The following FMN1 variants were observed in gnomAD, a reference collection of about 807,000 sequenced individuals.
The protein encoded by FMN1 is formin 1.
In FMN1, 110 loss-of-function variants were observed where a neutral mutation model predicts 132.4. The observed-to-expected ratio is 0.83, with a 90% CI of 0.71 to 0.97. The LOEUF is 0.97. Among genes scored for constraint, FMN1 ranks in the 50% least tolerant of loss-of-function variants. The pLI is 0.00. For missense variants in FMN1, 1,792 were observed against 1,705.3 expected (o/e 1.05, Z -0.90); for synonymous variants, 722 against 651.7 (o/e 1.11, Z -1.64).
At chr15:32,822,378 C>T (rs1015843266) in intron 17 of FMN1, among the ~76,000 whole-genome samples, 2 of 151,440 alleles carry the variant, frequency 1.3e-5, no homozygotes, top group Non-Finnish European at 3.0e-5. Context: ...AAAAGATGAT[C>T]TACGATTAGT....
chr15:33,097,305 A>G, intron 4 of FMN1, among the ~76,000 whole-genome samples: 1 of 136,198 alleles, frequency 7.3e-6, no homozygotes. Context: ...CCCTGTCTTA[A>G]AAAAAAAAAA....
rs145608791 is a variant in FMN1, at chr15:32,882,103, G to T, written c.3835+6069C>A. On this transcript the variant is annotated intron_variant, in intron 16 of 20. Transcript: ENST00000616417. The stretch of plus-strand genomic sequence containing the variant: ...CAATAGGCAGACTGGTTGAGTGGTT[G>T]TATGTAGAGACAAGAGAAAGCCTGA... Among the ~76,000 whole-genome samples, 577 of 152,306 alleles carry T rather than the reference G, an allele frequency of 3.8e-3. 3 individuals carry two copies. The highest frequency in any genetic ancestry group is 6.3e-3 in the Non-Finnish European group (426 of 68,018).
intron 6 of FMN1, among the ~76,000 whole-genome samples, chr15:33,010,299 G>A (rs948575595): frequency 6.6e-6 from 1 of 152,078 alleles, no homozygotes; most frequent in Non-Finnish European, 1.5e-5. Context: ...GTTGCCAGAG[G>A]TTAGAGATGG....
intron 4 of FMN1, among the ~76,000 whole-genome samples, chr15:33,120,990 A>C (rs915611199): frequency 1.3e-5 from 2 of 151,984 alleles, no homozygotes; most frequent in South Asian, 4.1e-4. Flanking sequence ...TTGCTTCTTG[A>C]TAGAGGTTTT....
At chr15:32,887,615 G>C (rs1057486781) in intron 16 of FMN1, among the ~76,000 whole-genome samples, 1 of 152,182 alleles carries the variant, frequency 6.6e-6, no homozygotes, top group Non-Finnish European at 1.5e-5. Flanking sequence ...ATGTGTGTAT[G>C]TGTACGATAT....
chr15:33,081,816 A>T (rs2038472164), intron 5 of FMN1, among the ~76,000 whole-genome samples: 1 of 152,134 alleles, frequency 6.6e-6, no homozygotes, highest in Admixed American at 6.6e-5. Context: ...TAAGACATGG[A>T]GGTTCTTATT....
intron 4 of FMN1, among the ~76,000 whole-genome samples, chr15:33,095,093 A>T (rs543301501): frequency 8.0e-4 from 122 of 152,300 alleles, no homozygotes; most frequent in African/African-American, 2.8e-3. Context: ...CACCCCTGTA[A>T]TTCCAGCACT....
At chr15:32,871,028 A>G (rs886680413) in intron 16 of FMN1, among the ~76,000 whole-genome samples, 2 of 152,200 alleles carry the variant, frequency 1.3e-5, no homozygotes, top group Non-Finnish European at 2.9e-5. Flanking sequence ...AAAAAGGCAC[A>G]TACTGCAAGC....
At chr15:32,984,201 A>T (rs917273339) in intron 7 of FMN1, among the ~76,000 whole-genome samples, 2 of 151,956 alleles carry the variant, frequency 1.3e-5, no homozygotes, top group Admixed American at 6.6e-5. Context: ...ATTTTTTTTT[A>T]AGTTTTGTTT....
At chr15:33,061,895 G>T (rs1168678073) in intron 6 of FMN1, among the ~76,000 whole-genome samples, 2 of 151,950 alleles carry the variant, frequency 1.3e-5, no homozygotes, top group African/African-American at 4.8e-5. Flanking sequence ...GTGACAGAAA[G>T]AGAGAAAAAA....
chr15:32,990,375 T>A (rs2033358489), intron 7 of FMN1, among the ~76,000 whole-genome samples: 1 of 152,082 alleles, frequency 6.6e-6, no homozygotes, highest in African/African-American at 2.4e-5. Context: ...TTCGAGGATG[T>A]CAACACTGAC....
chr15:32,798,176 ACG>A (rs891220507), intron 19 of FMN1, among the ~76,000 whole-genome samples: 1 of 60,596 alleles, frequency 1.7e-5, no homozygotes, highest in African/African-American at 7.0e-5. Context: ...TCTAAGGAAA[ACG>A]CACACACACA....
intron 4 of FMN1, among the ~76,000 whole-genome samples, chr15:33,119,613 T>C (rs937291707): frequency 6.6e-6 from 1 of 152,216 alleles, no homozygotes; most frequent in Non-Finnish European, 1.5e-5. Context: ...TTGCTTTTAT[T>C]TTCTTTCTCT....
chr15:32,987,496 C>G (rs1216757438), intron 7 of FMN1, among the ~76,000 whole-genome samples: 2 of 152,160 alleles, frequency 1.3e-5, no homozygotes, highest in Non-Finnish European at 2.9e-5. Context: ...AGAAGGCTTT[C>G]TGACTGCCTG....
chr15:32,963,486 A>G (rs1168073033), intron 9 of FMN1, among the ~76,000 whole-genome samples: 2 of 152,116 alleles, frequency 1.3e-5, no homozygotes, highest in Non-Finnish European at 2.9e-5. Flanking sequence ...CCTAAAACTT[A>G]AAGTATAATA....
intron 7 of FMN1, among the ~76,000 whole-genome samples, chr15:33,003,975 A>T (rs1259792500): frequency 6.6e-6 from 1 of 151,988 alleles, no homozygotes; most frequent in Admixed American, 6.6e-5. Flanking sequence ...TGGTGCTGGG[A>T]AAACTGGCTA....
intron 5 of FMN1, among the ~76,000 whole-genome samples, chr15:33,087,027 C>T (rs8029087): frequency 0.025 from 3,866 of 152,302 alleles, 168 homozygotes; most frequent in African/African-American, 0.088. Flanking sequence ...AGGTTGTCAA[C>T]AGGCATTAAA....
intron 17 of FMN1, among the ~76,000 whole-genome samples, chr15:32,846,352 C>T (rs2058856118): frequency 6.6e-6 from 1 of 152,072 alleles, no homozygotes; most frequent in African/African-American, 2.4e-5. Context: ...GCCTAGTATC[C>T]AGAATCTATA....
intron 4 of FMN1, among the ~76,000 whole-genome samples, chr15:33,147,917 C>A (rs544764380): frequency 3.1e-4 from 47 of 151,942 alleles, no homozygotes; most frequent in African/African-American, 1.1e-3. Flanking sequence ...ATTTTAAGAG[C>A]TTTGTGTGTT....
Sources: gnomAD v4.1 joint callset for allele counts (sites outside exome capture counted in the v4.1 genomes callset) on GRCh38, gnomAD v4.1.1 for gene constraint, MANE v1.5 for transcripts, NCBI Gene and HGNC (gene_info 2026-07-23, HGNC 2026-07-21) for gene names.